Variants in PARP4 observed in about 807,000 individuals in gnomAD.
The protein encoded by PARP4 is poly(ADP-ribose) polymerase family member 4.
A neutral mutation model predicts 187.7 loss-of-function variants in PARP4; 120 were observed. That is an observed-to-expected ratio of 0.64 (90% confidence interval 0.55 to 0.74). The LOEUF (loss-of-function observed/expected upper bound fraction) is 0.74, where lower values mean the gene tolerates loss of function less well. PARP4 is among the 30% of genes least tolerant of loss of function. The pLI is 0.00. For synonymous variants in PARP4, 654 were observed against 740.9 expected, an observed-to-expected ratio of 0.88 and a Z score of 1.90; for missense variants, 1,836 against 2,070.5, an observed-to-expected ratio of 0.89 and a Z score of 2.20.
chr13:24,439,500 A>T (rs1339376393), intron 30 of PARP4, among the ~76,000 whole-genome samples: 1 of 147,994 alleles, frequency 6.8e-6, no homozygotes, highest in Admixed American at 6.8e-5. Context: ...CACTTAACAT[A>T]TGTAGCAGAG....
chr13:24,498,813 T>A (rs147744776), intron 5 of PARP4, among the ~76,000 whole-genome samples: 216 of 152,302 alleles, frequency 1.4e-3, no homozygotes, highest in African/African-American at 4.8e-3. Context: ...CAACATAGTG[T>A]AAATACTTAG....
chr13:24,431,439 A>G lies in PARP4; in HGVS notation c.4784T>C (p.Ile1595Thr), dbSNP rs746039639. 2.1e-5 allele frequency: 33 copies of G among 1,600,498 alleles called. No homozygotes were observed. Among genetic ancestry groups the G allele is most frequent in the African/African-American group, 2.7e-5 (2 of 74,180 alleles). ...CAAACCATTTGTATTAAGATTTAAT[A>G]TAAGTCCCAGTTCTGGTGTAAGTTT... ...FWKLTPELGL[I>T]LNLNTNGLHS... The change falls in exon 32 of 34, where the codon ATA becomes ACA. Residue 1595 changes from isoleucine (I) to threonine (T), a missense_variant. Ile to Thr is a moderately conservative substitution (Grantham distance 89, BLOSUM62 -1). Around this residue, in one of 8 missense-constraint regions of PARP4, gnomAD observed 450 missense variants for 439.2 expected, o/e 1.02. Coordinates refer to ENST00000381989, the MANE Select transcript of PARP4 (RefSeq NM_006437.4).
At position 24,490,643 on chromosome 13, in the gene PARP4, C is replaced by A. The variant is rs890205477; in HGVS notation, c.1214+25G>T. 14 of 1,537,068 alleles carry A rather than the reference C, an allele frequency of 9.1e-6. No homozygotes were observed. In the African/African-American group the frequency reaches 1.8e-4, roughly 19 times the overall value. On this transcript the variant is annotated intron_variant, in intron 10 of 33. Coordinates refer to ENST00000381989, the MANE Select transcript of PARP4 (RefSeq NM_006437.4). The stretch of plus-strand genomic sequence containing the variant: ...CAAAGAGCATTATATTATAACAGAT[C>A]CTGAGATATTTCCTTTATGCTTACC...
At chr13:24,506,856 G>A (rs1053610915) in intron 1 of PARP4, among the ~76,000 whole-genome samples, 6 of 152,244 alleles carry the variant, frequency 3.9e-5, no homozygotes, top group Non-Finnish European at 5.9e-5. Flanking sequence ...GGGACCGGGC[G>A]CCGGCCGCGC....
At position 24,447,116 on chromosome 13, in the gene PARP4, T is replaced by C. The variant is rs749760444; in HGVS notation, c.3185A>G (p.Asn1062Ser). ...CTGCAGGGCCTCGGGCACATCTGGA[T>C]TGAGTTGCTGCCATTTGACGGAGAC... ...HSVSVKWQQL[N>S]PDVPEALQAP... The change falls in exon 26 of 34, where the codon AAT (asparagine) becomes AGT (serine). Residue 1062 changes from asparagine (N) to serine (S), a missense_variant. Asn to Ser is a conservative substitution (Grantham distance 46). Around this residue, in one of 8 missense-constraint regions of PARP4, gnomAD observed 56 missense variants for 103.7 expected, o/e 0.54. Transcript: ENST00000381989. The C allele has an allele frequency of 6.8e-6, 11 of 1,613,304 alleles. No individual in the cohort carries two copies. In the Middle Eastern group the frequency reaches 9.9e-4, roughly 145 times the overall value.
chr13:24,506,241 G>A (rs77581519), intron 1 of PARP4, among the ~76,000 whole-genome samples: 31 of 152,178 alleles, frequency 2.0e-4, no homozygotes, highest in Non-Finnish European at 2.7e-4. Flanking sequence ...GAGTTTGTCC[G>A]GAGTTGTTTA....
At chr13:24,424,798 A>AGT (rs1398984265) in intron 33 of PARP4, among the ~76,000 whole-genome samples, 1 of 146,902 alleles carries the variant, frequency 6.8e-6, no homozygotes, top group Non-Finnish European at 1.5e-5. Flanking sequence ...CAGCCTCCCC[A>AGT]GTACCTGGGA....
chr13:24,504,307 C>CTTTTT lies in PARP4; in HGVS notation c.-1-535_-1-531dup, dbSNP rs11434017. On this transcript the variant is annotated intron_variant, in intron 1 of 33. Transcript: ENST00000381989. ...CACATATATATTCTGCATTTAGGTTCTTTTTTTTTTTTTTTTTTTTTTTGG... is the reference window on the plus strand; with the variant it reads ...CACATATATATTCTGCATTTAGGTTCTTTTTTTTTTTTTTTTTTTTTTTTTTTTGG... Among the ~76,000 whole-genome samples the CTTTTT allele has an allele frequency of 8.9e-4, 78 of 87,356 alleles. 3 individuals carry two copies. The highest frequency in any genetic ancestry group is 0.021 in the Middle Eastern group (2 of 94). The allele number at this position is 87,356 out of a possible 152,430, so 57.3% of individuals were successfully genotyped here. A position where few individuals can be genotyped will look rare whatever the true frequency, so the allele number is the denominator to read the frequency against.
At chr13:24,503,130 T>G (rs2137546418) in intron 2 of PARP4, among the ~76,000 whole-genome samples, 1 of 152,366 alleles carries the variant, frequency 6.6e-6, no homozygotes, top group East Asian at 1.9e-4. Context: ...CTGCCAGGCT[T>G]ACAAGTTCAA....
chr13:24,455,480 A>AATATAT (rs57015283), intron 21 of PARP4, among the ~76,000 whole-genome samples: 1,206 of 108,398 alleles, frequency 0.011, 38 homozygotes, highest in East Asian at 0.015. Flanking sequence ...TTATGGAACA[A>AATATAT]ATATATATAT....
In PARP4 at chr13:24,510,510, C is replaced by T. The variant is rs1869951440; in HGVS notation, c.-2+2196G>A. ...CGGAGCTTGCAGTGAGCGGAGATCC[C>T]GCCACTGCACTCCAGCCTGGGCGAC... On this transcript the variant is annotated intron_variant, in intron 1 of 33. Transcript: ENST00000381989. Among the ~76,000 whole-genome samples, 4 of 138,468 alleles carry T rather than the reference C, an allele frequency of 2.9e-5. No individual in the cohort carries two copies. In the South Asian group the frequency reaches 7.1e-4, roughly 25 times the overall value. The allele number at this position is 138,468 out of a possible 152,430, so 90.8% of individuals were successfully genotyped here.
chr13:24,463,147 C>T (rs1375140407), intron 17 of PARP4, among the ~76,000 whole-genome samples: 1 of 152,050 alleles, frequency 6.6e-6, no homozygotes, highest in Non-Finnish European at 1.5e-5. Flanking sequence ...AAAAAAGACA[C>T]CTTCACATAT....
chr13:24,435,339 C>T lies in PARP4; in HGVS notation c.3802G>A (p.Val1268Ile), dbSNP rs373606894. ...SEDFEEDGLGVLPAFTSNLER... is the reference protein window; with the variant it reads ...SEDFEEDGLGILPAFTSNLER... The stretch of plus-strand genomic sequence containing the variant: ...AAATTTGATGTGAAAGCTGGTAGTA[C>T]ACCTAAGCCATCCTCTTCAAAATCT... The change falls in exon 31 of 34, where the codon GTA becomes ATA. Residue 1268 changes from valine (V) to isoleucine (I), a missense_variant. By Grantham distance (29) the Val-to-Ile change is conservative. Around this residue, in one of 8 missense-constraint regions of PARP4, gnomAD observed 450 missense variants for 439.2 expected, o/e 1.02. Coordinates refer to ENST00000381989, the MANE Select transcript of PARP4 (RefSeq NM_006437.4). 1.3e-5 allele frequency: 21 copies of T among 1,612,552 alleles called. No individual in the cohort carries two copies. The African/African-American group carries it at 1.9e-4, about 14-fold the overall frequency.
At chr13:24,459,950 T>C in intron 18 of PARP4, 22 bp downstream of exon 18, 1 of 1,604,018 alleles carries the variant, frequency 6.2e-7, no homozygotes, top group South Asian at 1.1e-5. Flanking sequence ...AAAATGCTTC[T>C]TCAAATCTTA....
At position 24,443,671 on chromosome 13, in the gene PARP4, G is replaced by C; in HGVS notation, c.3426C>G (p.His1142Gln). ...LIRDYEDGIL[H>Q]ENETSHEMKK... Reference sequence around the variant, plus strand: ...AAACCTCATGACTGGTTTCATTTTCGTGAAGAATGCCATCTTCATAATCTC... The same window carrying C: ...AAACCTCATGACTGGTTTCATTTTCCTGAAGAATGCCATCTTCATAATCTC... Residue 1142 changes from histidine (H) to glutamine (Q), a missense_variant, in exon 28 of 34, where the codon CAC becomes CAG. His to Gln is a conservative substitution (Grantham distance 24, BLOSUM62 0). This residue lies in a region of PARP4 where 47 missense variants were observed against 99.5 expected (regional missense o/e 0.47). Transcript: ENST00000381989. The C allele has an allele frequency of 1.9e-6, 3 of 1,611,270 alleles. No individual in the cohort carries two copies. Among genetic ancestry groups the C allele is most frequent in the Non-Finnish European group, 1.7e-6 (2 of 1,177,494 alleles).
At chr13:24,501,353 TTCCCC>T (rs1869269988) in intron 3 of PARP4, among the ~76,000 whole-genome samples, 3 of 152,182 alleles carry the variant, frequency 2.0e-5, no homozygotes, top group Non-Finnish European at 4.4e-5. Context: ...CACAAAGGCT[TTCCCC>T]TCCCCCTAGT....
At chr13:24,479,682 T>C (rs1873166312) in intron 12 of PARP4, among the ~76,000 whole-genome samples, 1 of 151,940 alleles carries the variant, frequency 6.6e-6, no homozygotes, top group Non-Finnish European at 1.5e-5. Flanking sequence ...CAGCGCCCTG[T>C]CAAAACAGAC....
intron 24 of PARP4, among the ~76,000 whole-genome samples, chr13:24,451,289 C>A (rs934947440): frequency 6.6e-6 from 1 of 152,218 alleles, no homozygotes; most frequent in Non-Finnish European, 1.5e-5. Context: ...GAAGTCCCAT[C>A]AGGAACAACT....
At chr13:24,442,954 A>G (rs1871021922) in intron 28 of PARP4, among the ~76,000 whole-genome samples, 1 of 151,936 alleles carries the variant, frequency 6.6e-6, no homozygotes, top group South Asian at 2.1e-4. Flanking sequence ...TTTAAAGCTG[A>G]GGAATTGGAA....
Sources: allele counts gnomAD v4.1 joint callset (sites outside exome capture counted in the v4.1 genomes callset), GRCh38; gene constraint gnomAD v4.1.1; regional missense constraint gnomAD v4.1.1; transcripts MANE v1.5; gene names NCBI Gene and HGNC (gene_info 2026-07-23, HGNC 2026-07-21).